The following ELF2 variants were observed in gnomAD, a reference collection of about 807,000 sequenced individuals.
ELF2 encodes ETS-related transcription factor Elf-2.
ELF2 carries 11 observed loss-of-function variants against 54.8 expected under a neutral mutation model. The observed-to-expected ratio is 0.20, with a 90% confidence interval of 0.13 to 0.33. The LOEUF (loss-of-function observed/expected upper bound fraction) is 0.33, where lower values mean the gene tolerates loss of function less well. Among genes scored for constraint, ELF2 ranks in the 10% least tolerant of loss-of-function variants. The pLI, the probability that ELF2 is intolerant of heterozygous loss-of-function variation, is 1.00. For synonymous variants in ELF2, 203 were observed against 245.1 expected, an observed-to-expected ratio of 0.83 and a Z score of 1.61; for missense variants, 513 against 703.0, an observed-to-expected ratio of 0.73 and a Z score of 3.06.
chr4:139,135,533 C>T (rs1738065221), intron 3 of ELF2, among the ~76,000 whole-genome samples: 1 of 151,998 alleles, frequency 6.6e-6, no homozygotes, highest in Non-Finnish European at 1.5e-5. Context: ...TCCCTACTAA[C>T]TTCTCTATCC....
chr4:139,156,343 T>C (rs1346162600), intron 1 of ELF2, among the ~76,000 whole-genome samples: 1 of 151,878 alleles, frequency 6.6e-6, no homozygotes, highest in East Asian at 1.9e-4. Flanking sequence ...GCCTGGCTAA[T>C]TTTGTTTTTG....
In ELF2 at chr4:139,058,390, GATATAT is replaced by G. The variant is rs1053465391; in HGVS notation, c.*587_*592del. On this transcript the variant is annotated 3_prime_UTR_variant, in exon 10 of 10. Transcript: ENST00000686138. ...TGTTTTAAATCAGCTTAAGCTATATGATATATATATATGTATGTATATATATATATA... is the reference window on the plus strand; with the variant it reads ...TGTTTTAAATCAGCTTAAGCTATATGATATATGTATGTATATATATATATA... 1 of 126,570 alleles carries G rather than the reference GATATAT, an allele frequency of 7.9e-6. No individual in the cohort carries two copies. The highest frequency in any genetic ancestry group is 1.6e-5 in the Non-Finnish European group (1 of 61,882). 7.8% of individuals were successfully genotyped at this position (126,570 alleles called of 1,614,324 possible). A position where few individuals can be genotyped will look rare whatever the true frequency, so the allele number is the denominator to read the frequency against.
intron 1 of ELF2, among the ~76,000 whole-genome samples, chr4:139,159,204 G>A (rs757803633): frequency 6.6e-6 from 1 of 152,178 alleles, no homozygotes. Context: ...CCCCGAGCTT[G>A]ATGTGTAGGG....
chr4:139,117,012 C>A (rs372891172), intron 4 of ELF2, among the ~76,000 whole-genome samples: 1 of 152,134 alleles, frequency 6.6e-6, no homozygotes. Flanking sequence ...TATAAAAATT[C>A]TCATCATCAT....
rs1311875738 is a variant in ELF2, at chr4:139,175,151, A to G, written c.-252+1816T>C. ...TCATCGTGAAGCTGTTACTCCTCCA[A>G]AAATGGTATACAACATGAGCAGGTA... is the stretch of plus-strand genomic sequence containing the variant. On this transcript the variant is annotated intron_variant, in intron 1 of 9. Transcript: ENST00000686138. Among the ~76,000 whole-genome samples, 5 of 152,354 alleles carry G rather than the reference A, an allele frequency of 3.3e-5. No individual in the cohort carries two copies. The East Asian group carries it at 9.6e-4, about 29-fold the overall frequency.
chr4:139,147,664 C>T (rs1490282464), intron 1 of ELF2, among the ~76,000 whole-genome samples: 7 of 151,138 alleles, frequency 4.6e-5, no homozygotes, highest in African/African-American at 1.5e-4. Flanking sequence ...TTAGTAGAGA[C>T]GGGGTTTCAC....
chr4:139,171,585 C>T (rs1332403504), intron 1 of ELF2, among the ~76,000 whole-genome samples: 2 of 150,386 alleles, frequency 1.3e-5, no homozygotes, highest in Non-Finnish European at 2.9e-5. Context: ...AATGACTCCA[C>T]TAAACAGTAC....
intron 4 of ELF2, among the ~76,000 whole-genome samples, chr4:139,079,892 G>A (rs1372392227): frequency 6.6e-6 from 1 of 151,880 alleles, no homozygotes; most frequent in Non-Finnish European, 1.5e-5. Flanking sequence ...GGCGACAGAG[G>A]GAGACTCCAT....
intron 4 of ELF2, chr4:139,084,324 C>T (rs1731666144): frequency 1.9e-6 from 3 of 1,565,348 alleles, no homozygotes; most frequent in Non-Finnish European, 1.7e-6. Flanking sequence ...CGCACACACT[C>T]CGACGCCCGG....
intron 4 of ELF2, among the ~76,000 whole-genome samples, chr4:139,092,907 T>C (rs181408199): frequency 6.6e-6 from 1 of 151,972 alleles, no homozygotes; most frequent in East Asian, 1.9e-4. Context: ...ACTAGAAGTA[T>C]ATAAAATTCC....
chr4:139,089,220 A>T (rs1241325104), intron 4 of ELF2, among the ~76,000 whole-genome samples: 1 of 152,230 alleles, frequency 6.6e-6, no homozygotes, highest in Non-Finnish European at 1.5e-5. Context: ...GATTTCATTT[A>T]TTTATCAATA....
intron 6 of ELF2, among the ~76,000 whole-genome samples, chr4:139,069,061 G>GT (rs1006087479): frequency 1.3e-5 from 2 of 151,974 alleles, no homozygotes; most frequent in African/African-American, 4.8e-5. Flanking sequence ...GTAGAGATGG[G>GT]TTTTACCATG....
intron 1 of ELF2, among the ~76,000 whole-genome samples, chr4:139,161,618 C>T (rs1381703877): frequency 7.3e-6 from 1 of 137,270 alleles, no homozygotes. Flanking sequence ...TGTCTAATAT[C>T]TCAGTTCTCA....
In ELF2 at chr4:139,135,275, G is replaced by GTA. The variant is rs1431488845; in HGVS notation, c.72+2354_72+2355insTA. Among the ~76,000 whole-genome samples, 5 of 136,618 alleles carry GTA rather than the reference G, an allele frequency of 3.7e-5. No individual in the cohort carries two copies. In the East Asian group the frequency reaches 8.6e-4, roughly 23 times the overall value. The allele number at this position is 136,618 out of a possible 152,430, so 89.6% of individuals were successfully genotyped here. Reference sequence around the variant, plus strand: ...TGTGTGTGTGTGTGTGTGTGTGTGTGTGTGTATATATGAATGAAACATTCC... The same window carrying GTA: ...TGTGTGTGTGTGTGTGTGTGTGTGTGTATGTGTATATATGAATGAAACATTCC... On this transcript the variant is annotated intron_variant, in intron 3 of 9. Transcript: ENST00000686138.
At chr4:139,152,175 T>C (rs912247398) in intron 1 of ELF2, among the ~76,000 whole-genome samples, 6 of 152,188 alleles carry the variant, frequency 3.9e-5, no homozygotes, top group Non-Finnish European at 5.9e-5. Context: ...TTGCCACTCA[T>C]AAAAATATAA....
intron 1 of ELF2, among the ~76,000 whole-genome samples, chr4:139,175,732 G>A (rs533046242): frequency 2.6e-5 from 4 of 152,160 alleles, no homozygotes; most frequent in South Asian, 2.1e-4. Context: ...TCTCATCACC[G>A]GATTACAATT....
At chr4:139,077,775 A>G (rs1460580408) in intron 4 of ELF2, among the ~76,000 whole-genome samples, 2 of 152,238 alleles carry the variant, frequency 1.3e-5, no homozygotes, top group Non-Finnish European at 2.9e-5. Context: ...GCAAGCTACA[A>G]GCAAGAGCTG....
chr4:139,059,914 CTT>C (rs1206628745), intron 9 of ELF2, among the ~76,000 whole-genome samples: 1 of 150,858 alleles, frequency 6.6e-6, no homozygotes, highest in East Asian at 1.9e-4. Context: ...GTGGTGCAAT[CTT>C]AGCTCACTAC....
intron 4 of ELF2, among the ~76,000 whole-genome samples, chr4:139,111,902 T>C (rs1734980612): frequency 6.6e-6 from 1 of 152,204 alleles, no homozygotes; most frequent in African/African-American, 2.4e-5. Flanking sequence ...ATCAGGGAGC[T>C]ATGAATGAGA....
Sources: gnomAD v4.1 joint callset for allele counts (sites outside exome capture counted in the v4.1 genomes callset) on GRCh38, gnomAD v4.1.1 for gene constraint, MANE v1.5 for transcripts, NCBI Gene and HGNC (gene_info 2026-07-23, HGNC 2026-07-21) for gene names.